The following RTF2 variants were observed in gnomAD, a reference collection of about 807,000 sequenced individuals.
RTF2 encodes the protein UPF0549 protein C20orf43.
RTF2 carries 18 observed loss-of-function variants against 38.0 expected under a neutral mutation model. The observed-to-expected ratio is 0.47, with a 90% CI of 0.33 to 0.70. The LOEUF (loss-of-function observed/expected upper bound fraction) is 0.70, where lower values mean the gene tolerates loss of function less well. RTF2 is among the 30% of genes least tolerant of loss of function. The pLI is 0.02. For synonymous variants in RTF2, 126 were observed against 137.1 expected (o/e 0.92, Z 0.57); for missense variants, 311 against 379.6 (o/e 0.82, Z 1.50).
intron 5 of RTF2, among the ~76,000 whole-genome samples, chr20:56,486,106 C>T (rs766531805): frequency 6.6e-6 from 1 of 152,064 alleles, no homozygotes; most frequent in Non-Finnish European, 1.5e-5. Flanking sequence ...CTCTGTAAGG[C>T]GTTGTCTGGC....
intron 5 of RTF2, among the ~76,000 whole-genome samples, chr20:56,502,331 T>C (rs1343280246): frequency 4.6e-5 from 7 of 152,250 alleles, no homozygotes; most frequent in African/African-American, 1.2e-4. Context: ...AACACATTGC[T>C]CTTCTAATTA....
At chr20:56,496,773 C>T (rs1043357412) in intron 5 of RTF2, 1 of 1,552,176 alleles carries the variant, frequency 6.4e-7, no homozygotes. Flanking sequence ...ATAGTAAGCA[C>T]TTCCAAAATA....
intron 5 of RTF2, among the ~76,000 whole-genome samples, chr20:56,489,719 G>A (rs1383585157): frequency 1.3e-5 from 2 of 152,240 alleles, no homozygotes; most frequent in South Asian, 2.1e-4. Context: ...GGTGTACCAC[G>A]GGTTGACATT....
chr20:56,496,270 G>A (rs868398313), intron 5 of RTF2, among the ~76,000 whole-genome samples: 18 of 152,218 alleles, frequency 1.2e-4, no homozygotes, highest in African/African-American at 2.2e-4. Flanking sequence ...TCTTATGGCC[G>A]GGCGTGGTGG....
intron 1 of RTF2, among the ~76,000 whole-genome samples, chr20:56,469,847 T>C (rs1050775468): frequency 6.6e-6 from 1 of 152,234 alleles, no homozygotes; most frequent in African/African-American, 2.4e-5. Flanking sequence ...TTCTTCAACC[T>C]GGAGTGTGAG....
intron 3 of RTF2, among the ~76,000 whole-genome samples, chr20:56,475,891 A>G (rs895827984): frequency 2.0e-5 from 3 of 152,278 alleles, no homozygotes; most frequent in African/African-American, 4.8e-5. Flanking sequence ...AAATAAAACA[A>G]TGCTAATACA....
At chr20:56,512,921 C>T (rs1442130630) in intron 5 of RTF2, among the ~76,000 whole-genome samples, 1 of 152,174 alleles carries the variant, frequency 6.6e-6, no homozygotes, top group South Asian at 2.1e-4. Context: ...TGGCTGAGGG[C>T]TGGCTTTATA....
intron 2 of RTF2, 57 bp from the exon 3 acceptor site, chr20:56,474,618 CCTT>C (rs1156656749): frequency 1.9e-6 from 2 of 1,053,864 alleles, no homozygotes; most frequent in Admixed American, 2.4e-5. Flanking sequence ...GTTTATTCTT[CCTT>C]CTTTGGTTAT....
At chr20:56,497,171 G>A (rs1246860233) in intron 5 of RTF2, 3 of 1,550,926 alleles carry the variant, frequency 1.9e-6, no homozygotes, top group Non-Finnish European at 2.6e-6. Flanking sequence ...ACTTCATTGG[G>A]GCCTTTTCAT....
intron 5 of RTF2, among the ~76,000 whole-genome samples, chr20:56,490,389 G>A (rs2146335032): frequency 6.6e-6 from 1 of 152,340 alleles, no homozygotes; most frequent in South Asian, 2.1e-4. Flanking sequence ...CTCCACAACA[G>A]CAGCGGCAGC....
At position 56,477,040 on chromosome 20, in the gene RTF2, A is replaced by G; in HGVS notation, c.314A>G (p.Asn105Ser). 1 of 1,614,150 alleles carries G rather than the reference A, an allele frequency of 6.2e-7. No homozygotes were observed. Among genetic ancestry groups the G allele is most frequent in the Non-Finnish European group, 8.5e-7 (1 of 1,180,018 alleles). ...DNPAWEGDKG[N>S]TKGDKHDDLQ... The stretch of plus-strand genomic sequence containing the variant: ...CCTGCCTGGGAAGGGGATAAAGGAA[A>G]CACTAAAGGTGACAAGCACGATGAC... The change falls in exon 4 of 9, where the codon AAC becomes AGC. Residue 105 changes from asparagine (N) to serine (S), a missense_variant. By Grantham distance (46) the Asn-to-Ser change is conservative. Coordinates refer to ENST00000357348, the MANE Select transcript of RTF2 (RefSeq NM_016407.5).
At chr20:56,487,457 C>T (rs1374891748) in intron 5 of RTF2, among the ~76,000 whole-genome samples, 1 of 152,220 alleles carries the variant, frequency 6.6e-6, no homozygotes, top group Admixed American at 6.5e-5. Context: ...CTCCTCCCGG[C>T]TCCTCGTGGA....
In RTF2 at chr20:56,477,042, A is replaced by G. The variant is rs774426800; in HGVS notation, c.316A>G (p.Thr106Ala). The change falls in exon 4 of 9, where the codon ACT becomes GCT. Residue 106 changes from threonine to alanine, a missense_variant. Transcript: ENST00000357348. The part of the protein sequence containing the change: ...NPAWEGDKGN[T>A]KGDKHDDLQR... Reference sequence around the variant, plus strand: ...TGCCTGGGAAGGGGATAAAGGAAACACTAAAGGTGACAAGCACGATGACCT... The same window carrying G: ...TGCCTGGGAAGGGGATAAAGGAAACGCTAAAGGTGACAAGCACGATGACCT... The G allele has an allele frequency of 1.1e-5, 18 of 1,614,060 alleles. No homozygotes were observed. The highest frequency in any genetic ancestry group is 1.4e-5 in the Non-Finnish European group (17 of 1,180,018).
At position 56,474,749 on chromosome 20, in the gene RTF2, C is replaced by A. The variant is rs771038775; in HGVS notation, c.236C>A (p.Ala79Glu). 1.2e-6 allele frequency: 2 copies of A among 1,608,838 alleles called. No individual in the cohort carries two copies. The highest frequency in any genetic ancestry group is 2.2e-5 in the South Asian group (2 of 90,514). The part of the protein sequence containing the change: ...KSAEKALGKA[A>E]SHIKSIKNVT... ...GCAGAAAAGGCTCTTGGGAAGGCAG[C>A]ATCTCACATTAAAAGCATTAAGGTA... The change falls in exon 3 of 9, where the codon GCA becomes GAA. Residue 79 changes from alanine to glutamate, a missense_variant. Ala to Glu is a moderately radical substitution (Grantham distance 107). Transcript: ENST00000357348.
intron 5 of RTF2, among the ~76,000 whole-genome samples, chr20:56,484,897 G>T (rs553205371): frequency 1.0e-3 from 153 of 151,670 alleles, no homozygotes; most frequent in Non-Finnish European, 1.6e-3. Flanking sequence ...GTATTTTCCT[G>T]TATCAACCCT....
intron 1 of RTF2, among the ~76,000 whole-genome samples, chr20:56,472,812 A>AT (rs1045616872): frequency 2.2e-4 from 33 of 152,166 alleles, no homozygotes; most frequent in African/African-American, 7.7e-4. Flanking sequence ...ATGGGCGTTT[A>AT]TTTGATGTAG....
chr20:56,519,103 C>G lies in RTF2; in HGVS notation c.*838C>G, dbSNP rs1207071931. ...ATAGCTAGTGAAACTTCTCATGAGA[C>G]TCCTAATGAAGAACCAAGAGCCACA... On this transcript the variant is annotated 3_prime_UTR_variant, in exon 9 of 9. Coordinates refer to ENST00000357348, the MANE Select transcript of RTF2 (RefSeq NM_016407.5). 1 of 152,214 alleles carries G rather than the reference C, an allele frequency of 6.6e-6. No individual in the cohort carries two copies. Among genetic ancestry groups the G allele is most frequent in the African/African-American group, 2.4e-5 (1 of 41,412 alleles). The allele number at this position is 152,214 out of a possible 1,614,324, so 9.4% of individuals were successfully genotyped here.
intron 5 of RTF2, among the ~76,000 whole-genome samples, chr20:56,488,787 A>G (rs1361427074): frequency 6.6e-6 from 1 of 152,212 alleles, no homozygotes; most frequent in Non-Finnish European, 1.5e-5. Flanking sequence ...TGATAAGGAG[A>G]GAGTGAGCCT....
chr20:56,475,798 C>A (rs1299104818), intron 3 of RTF2, among the ~76,000 whole-genome samples: 1 of 151,936 alleles, frequency 6.6e-6, no homozygotes, highest in Non-Finnish European at 1.5e-5. Context: ...ACTTAAAATA[C>A]TTGTAATATT....
Sources: allele counts gnomAD v4.1 joint callset (sites outside exome capture counted in the v4.1 genomes callset), GRCh38; gene constraint gnomAD v4.1.1; transcripts MANE v1.5; gene names NCBI Gene and HGNC (gene_info 2026-07-23, HGNC 2026-07-21).